RABGAP1L: variants seen among roughly 807,000 people sequenced by gnomAD.
The protein encoded by RABGAP1L is RAB GTPase activating protein 1 like.
A neutral mutation model predicts 137.7 loss-of-function variants in RABGAP1L; 63 were observed. The observed-to-expected ratio is 0.46, with a 90% CI of 0.37 to 0.56. The LOEUF is 0.56. Ranked by LOEUF, RABGAP1L falls within the 20% of genes least tolerant of loss-of-function variation. The pLI, the probability that RABGAP1L is intolerant of heterozygous loss-of-function variation, is 0.00. For synonymous variants in RABGAP1L, 431 were observed against 433.7 expected (o/e 0.99, Z 0.08); for missense variants, 1,095 against 1,244.0 (o/e 0.88, Z 1.80).
At chr1:174,692,466 C>T (rs1358352927) in intron 15 of RABGAP1L, among the ~76,000 whole-genome samples, 1 of 152,130 alleles carries the variant, frequency 6.6e-6, no homozygotes, top group African/African-American at 2.4e-5. Flanking sequence ...TCCCTCTGAG[C>T]TTGTATACAA....
chr1:174,632,546 T>A (rs1191702811), intron 13 of RABGAP1L, among the ~76,000 whole-genome samples: 1 of 150,598 alleles, frequency 6.6e-6, no homozygotes, highest in Non-Finnish European at 1.5e-5. Context: ...GACGTAGATT[T>A]GGTCTTTTCA....
At chr1:174,921,682 ACTGT>A (rs1177528782) in intron 19 of RABGAP1L, among the ~76,000 whole-genome samples, 1 of 152,204 alleles carries the variant, frequency 6.6e-6, no homozygotes, top group Non-Finnish European at 1.5e-5. Context: ...CTGCTAACGA[ACTGT>A]CTAAATATGC....
At chr1:174,467,400 TA>T (rs532821147) in intron 13 of RABGAP1L, among the ~76,000 whole-genome samples, 197 of 143,398 alleles carry the variant, frequency 1.4e-3, no homozygotes, top group Middle Eastern at 3.6e-3. Flanking sequence ...TGAGCCTAGT[TA>T]AAAAAAAAAA....
intron 3 of RABGAP1L, among the ~76,000 whole-genome samples, chr1:174,230,432 G>A (rs1474401858): frequency 1.3e-5 from 2 of 152,102 alleles, no homozygotes; most frequent in Admixed American, 1.3e-4. Context: ...AGTCAATTAT[G>A]CATTCGTCTT....
chr1:174,520,720 C>T (rs545842574), intron 13 of RABGAP1L, among the ~76,000 whole-genome samples: 5 of 152,038 alleles, frequency 3.3e-5, no homozygotes, highest in Non-Finnish European at 5.9e-5. Context: ...GTTTTAGTCT[C>T]GGCTGGGCAT....
intron 15 of RABGAP1L, among the ~76,000 whole-genome samples, chr1:174,690,379 A>ATAT (rs1678789717): frequency 1.3e-5 from 2 of 152,170 alleles, no homozygotes; most frequent in South Asian, 4.1e-4. Flanking sequence ...GCTTTACTTA[A>ATAT]TAGACCTATA....
At chr1:174,770,618 A>T (rs1340614336) in intron 18 of RABGAP1L, among the ~76,000 whole-genome samples, 1 of 152,214 alleles carries the variant, frequency 6.6e-6, no homozygotes. Flanking sequence ...AAAAAAATCC[A>T]GTTTCCTCCT....
intron 7 of RABGAP1L, among the ~76,000 whole-genome samples, chr1:174,254,468 C>T (rs539505594): frequency 1.1e-3 from 167 of 152,232 alleles, no homozygotes; most frequent in African/African-American, 3.7e-3. Flanking sequence ...ACCTATTTGT[C>T]CTAATGCTCT....
At chr1:174,393,513 G>A (rs1363499600) in intron 12 of RABGAP1L, among the ~76,000 whole-genome samples, 1 of 152,098 alleles carries the variant, frequency 6.6e-6, no homozygotes, top group African/African-American at 2.4e-5. Flanking sequence ...TTTGGCACTT[G>A]GCCCAGCTCA....
intron 20 of RABGAP1L, among the ~76,000 whole-genome samples, chr1:174,964,103 T>C (rs1669405598): frequency 6.6e-6 from 1 of 152,232 alleles, no homozygotes. Context: ...ACAACATAGA[T>C]ATTTAAACAT....
intron 18 of RABGAP1L, among the ~76,000 whole-genome samples, chr1:174,787,894 C>T (rs144543013): frequency 1.3e-5 from 2 of 152,214 alleles, no homozygotes; most frequent in East Asian, 3.9e-4. Flanking sequence ...CTGTAGGGAA[C>T]TTGGGTACAG....
intron 12 of RABGAP1L, among the ~76,000 whole-genome samples, chr1:174,384,060 C>T (rs116295490): frequency 6.6e-6 from 1 of 152,186 alleles, no homozygotes; most frequent in Non-Finnish European, 1.5e-5. Flanking sequence ...GATCAACCAA[C>T]TGTGGTATAT....
At chr1:174,596,220 C>T (rs911240070) in intron 13 of RABGAP1L, among the ~76,000 whole-genome samples, 6 of 84,480 alleles carry the variant, frequency 7.1e-5, no homozygotes, top group Non-Finnish European at 1.2e-4. Context: ...GGCTCGCGCA[C>T]GGTGCACACA....
intron 13 of RABGAP1L, chr1:174,547,932 G>A (rs1424769005): frequency 6.5e-7 from 1 of 1,550,106 alleles, no homozygotes; most frequent in African/African-American, 1.4e-5. Flanking sequence ...GTAACCAGCT[G>A]CAATTTGACA....
chr1:174,401,427 G>GA (rs1648569837), intron 13 of RABGAP1L, among the ~76,000 whole-genome samples: 1 of 152,168 alleles, frequency 6.6e-6, no homozygotes. Context: ...CCGTGATGGG[G>GA]AATGAGGAAA....
intron 5 of RABGAP1L, among the ~76,000 whole-genome samples, chr1:174,243,472 A>G (rs1671998560): frequency 6.6e-6 from 1 of 152,214 alleles, no homozygotes; most frequent in South Asian, 2.1e-4. Context: ...GGAGAAATAC[A>G]TGACAGTGGT....
chr1:174,444,947 G>A (rs946199332), intron 13 of RABGAP1L, among the ~76,000 whole-genome samples: 1 of 150,926 alleles, frequency 6.6e-6, no homozygotes, highest in Non-Finnish European at 1.5e-5. Flanking sequence ...AACCTATTTC[G>A]GTCCCATTTT....
At chr1:174,795,413 A>T (rs150189972) in intron 18 of RABGAP1L, among the ~76,000 whole-genome samples, 151 of 152,046 alleles carry the variant, frequency 9.9e-4, no homozygotes, top group Middle Eastern at 6.8e-3. Flanking sequence ...ATACAAACAA[A>T]CCTTATTAAC....
At chr1:174,249,146 T>C (rs2148588464) in intron 5 of RABGAP1L, among the ~76,000 whole-genome samples, 1 of 152,266 alleles carries the variant, frequency 6.6e-6, no homozygotes, top group East Asian at 1.9e-4. Context: ...CATATATATG[T>C]ATATATGTAT....
Sources: gnomAD v4.1 joint callset for allele counts (sites outside exome capture counted in the v4.1 genomes callset) on GRCh38, gnomAD v4.1.1 for gene constraint, MANE v1.5 for transcripts, NCBI Gene and HGNC (gene_info 2026-07-23, HGNC 2026-07-21) for gene names.